The following OR1J2 variants were observed in gnomAD, a reference collection of about 807,000 sequenced individuals.
OR1J2 encodes olfactory receptor 1J2.
For synonymous variants in OR1J2, 142 were observed against 99.7 expected (o/e 1.42, Z -2.52); for missense variants, 304 against 246.1 (o/e 1.24, Z -1.57).
chr9:122,490,575 A>G, the OR1J2 span, among the ~76,000 whole-genome samples: 2 of 152,234 alleles, frequency 1.3e-5, no homozygotes, highest in African/African-American at 4.8e-5. Flanking sequence ...CAAAACAAGT[A>G]GAAGGTGATG....
chr9:122,557,385 A>G, the OR1J2 span, among the ~76,000 whole-genome samples: 1 of 152,140 alleles, frequency 6.6e-6, no homozygotes, highest in East Asian at 1.9e-4. Context: ...TTATCTCTCT[A>G]TTCCTAGTTT....
chr9:122,515,478 G>A (rs554537720), downstream of OR1J2, among the ~76,000 whole-genome samples: 2 of 149,106 alleles, frequency 1.3e-5, no homozygotes, highest in African/African-American at 5.1e-5. Context: ...AATCACCACC[G>A]GCCAATGACT....
At chr9:122,526,352 C>G in the OR1J2 span, 3 of 1,467,734 alleles carry the variant, frequency 2.0e-6, no homozygotes, top group Admixed American at 7.1e-5. Flanking sequence ...GTTGCTGTCA[C>G]CACATCTAAG....
At chr9:122,567,754 A>T in the OR1J2 span, 8 of 1,613,990 alleles carry the variant, frequency 5.0e-6, no homozygotes, top group African/African-American at 1.3e-5. Context: ...TAAAAACCAC[A>T]GGTGGAGAAG....
chr9:122,484,309 G>A, the OR1J2 span, among the ~76,000 whole-genome samples: 1 of 151,876 alleles, frequency 6.6e-6, no homozygotes, highest in African/African-American at 2.4e-5. Flanking sequence ...CAATAGGCAC[G>A]CACCACCATG....
At chr9:122,577,849 C>T in the OR1J2 span, among the ~76,000 whole-genome samples, 1 of 151,938 alleles carries the variant, frequency 6.6e-6, no homozygotes, top group Non-Finnish European at 1.5e-5. Context: ...TTTTTGTTCC[C>T]CCTCACCTTC....
the OR1J2 span, among the ~76,000 whole-genome samples, chr9:122,501,436 C>A: frequency 6.6e-6 from 1 of 152,128 alleles, no homozygotes; most frequent in Admixed American, 6.5e-5. Flanking sequence ...AATCAAGGCA[C>A]AAAACCTTCA....
At chr9:122,569,865 T>G in the OR1J2 span, among the ~76,000 whole-genome samples, 1 of 151,404 alleles carries the variant, frequency 6.6e-6, no homozygotes, top group Non-Finnish European at 1.5e-5. Context: ...GAGTGTGATG[T>G]TCCCCTTCCT....
the OR1J2 span, among the ~76,000 whole-genome samples, chr9:122,535,944 A>G: frequency 6.6e-6 from 1 of 152,166 alleles, no homozygotes; most frequent in Non-Finnish European, 1.5e-5. Flanking sequence ...GGGGGTCACA[A>G]GGTGCTCAGT....
the OR1J2 span, chr9:122,567,713 G>T: frequency 1.2e-6 from 2 of 1,614,088 alleles, no homozygotes; most frequent in Non-Finnish European, 1.7e-6. Context: ...CACAGAAGAT[G>T]CTTCCATAAA....
At chr9:122,508,974 G>C (rs1432444430), upstream of OR1J2, among the ~76,000 whole-genome samples, 1 of 152,080 alleles carries the variant, frequency 6.6e-6, no homozygotes, top group African/African-American at 2.4e-5. Flanking sequence ...CTTATCTCAT[G>C]GCCCCTTCCT....
chr9:122,522,584 TG>T, the OR1J2 span, among the ~76,000 whole-genome samples: 1 of 28,510 alleles, frequency 3.5e-5, no homozygotes, highest in African/African-American at 5.1e-4. Flanking sequence ...ACTGTGTGCA[TG>T]TGTGTGTGTG....
At chr9:122,483,994 G>A in the OR1J2 span, among the ~76,000 whole-genome samples, 11 of 152,068 alleles carry the variant, frequency 7.2e-5, no homozygotes, top group Admixed American at 6.6e-4. Context: ...TTTGGTGAAT[G>A]CACTGTATAT....
the OR1J2 span, among the ~76,000 whole-genome samples, chr9:122,497,798 A>AT: frequency 6.6e-6 from 1 of 152,148 alleles, no homozygotes; most frequent in Non-Finnish European, 1.5e-5. Context: ...TGAGGTAGGC[A>AT]TTTAGCGCTA....
the OR1J2 span, chr9:122,526,991 G>T: frequency 6.2e-7 from 1 of 1,614,202 alleles, no homozygotes; most frequent in Non-Finnish European, 8.5e-7. Context: ...ACATCAGAAA[G>T]AAATACATTT....
the OR1J2 span, among the ~76,000 whole-genome samples, chr9:122,453,874 C>T: frequency 6.6e-6 from 1 of 152,194 alleles, no homozygotes; most frequent in East Asian, 1.9e-4. Flanking sequence ...TGGGTTACAA[C>T]AACATGATGC....
At chr9:122,516,410 T>C (rs948757601), downstream of OR1J2, among the ~76,000 whole-genome samples, 284 of 148,594 alleles carry the variant, frequency 1.9e-3, no homozygotes, top group Middle Eastern at 3.6e-3. Context: ...TTCACGCCCT[T>C]CTCCTGCCTC....
At chr9:122,571,789 G>T in the OR1J2 span, among the ~76,000 whole-genome samples, 2 of 151,940 alleles carry the variant, frequency 1.3e-5, no homozygotes, top group Non-Finnish European at 2.9e-5. Flanking sequence ...GCAGTGGACA[G>T]TGCCTTGGAC....
chr9:122,550,127 A>G, the OR1J2 span, among the ~76,000 whole-genome samples: 45,712 of 151,856 alleles, frequency 0.3, 7,409 homozygotes, highest in East Asian at 0.54. Context: ...ATAAACAACT[A>G]TGAATTCACA....
Sources: gnomAD v4.1 joint callset for allele counts (sites outside exome capture counted in the v4.1 genomes callset) on GRCh38, gnomAD v4.1.1 for gene constraint, MANE v1.5 for transcripts, NCBI Gene and HGNC (gene_info 2026-07-23, HGNC 2026-07-21) for gene names.